The following C6 variants were observed in gnomAD, a reference collection of about 807,000 sequenced individuals.
The protein encoded by C6 is complement C6, also known as complement component C6.
A neutral mutation model predicts 112.9 loss-of-function variants in C6; 101 were observed. The ratio of observed to expected loss-of-function variants is 0.89; its 90% CI spans 0.76 to 1.06. The LOEUF (loss-of-function observed/expected upper bound fraction) is 1.06. C6 is among the 50% of genes least tolerant of loss of function. C6 has a pLI of 0.00. For missense variants in C6, 1,202 were observed against 1,104.6 expected (o/e 1.09, Z -1.25); for synonymous variants, 431 against 384.1 (o/e 1.12, Z -1.43).
intron 1 of C6, among the ~76,000 whole-genome samples, chr5:41,247,758 T>G (rs1236455027): frequency 4.8e-5 from 7 of 145,412 alleles, no homozygotes; most frequent in African/African-American, 1.8e-4. Flanking sequence ...ACCAAGAAAG[T>G]GAAAGATCTC....
At chr5:41,174,595 T>G (rs1325713252) in intron 8 of C6, among the ~76,000 whole-genome samples, 1 of 152,228 alleles carries the variant, frequency 6.6e-6, no homozygotes, top group South Asian at 2.1e-4. Context: ...ATGCCAACTT[T>G]TATTCAAGGT....
intron 7 of C6, among the ~76,000 whole-genome samples, chr5:41,178,442 A>ATT (rs1749032632): frequency 2.5e-5 from 3 of 120,590 alleles, no homozygotes; most frequent in African/African-American, 9.2e-5. Context: ...CTTCAGTAGT[A>ATT]TTTTCTTTTT....
intron 1 of C6, among the ~76,000 whole-genome samples, chr5:41,223,609 A>C (rs1020473887): frequency 3.3e-5 from 5 of 152,200 alleles, no homozygotes; most frequent in Non-Finnish European, 7.3e-5. Flanking sequence ...GGTGAGAAGC[A>C]GTTTATTTTA....
intron 8 of C6, among the ~76,000 whole-genome samples, chr5:41,173,749 A>G (rs1484281285): frequency 6.6e-6 from 1 of 152,154 alleles, no homozygotes; most frequent in Non-Finnish European, 1.5e-5. Flanking sequence ...GAGGCTGGGT[A>G]GATGTGAACT....
At chr5:41,152,019 AG>A (rs1746447403) in intron 15 of C6, among the ~76,000 whole-genome samples, 1 of 152,034 alleles carries the variant, frequency 6.6e-6, no homozygotes, top group African/African-American at 2.4e-5. Flanking sequence ...GAAAAAAAAA[AG>A]AAAGGAAGGA....
At chr5:41,181,267 A>G (rs1749315074) in intron 7 of C6, 92 bp downstream of exon 7, 1 of 1,158,600 alleles carries the variant, frequency 8.6e-7, no homozygotes, top group Non-Finnish European at 1.3e-6. Flanking sequence ...ATACTGGTAC[A>G]ATATCAAAAC....
chr5:41,154,735 A>G (rs1746731638), intron 14 of C6, among the ~76,000 whole-genome samples: 1 of 152,220 alleles, frequency 6.6e-6, no homozygotes, highest in African/African-American at 2.4e-5. Context: ...CATACTTCAC[A>G]GTCCTATGTG....
intron 9 of C6, among the ~76,000 whole-genome samples, 172 bp from the exon 10 acceptor site, chr5:41,162,031 G>T (rs1482155946): frequency 6.6e-6 from 1 of 152,146 alleles, no homozygotes; most frequent in African/African-American, 2.4e-5. Flanking sequence ...CCTGTAGGGA[G>T]TTTAATAATA....
At chr5:41,255,819 T>A (rs956164864) in intron 1 of C6, among the ~76,000 whole-genome samples, 1 of 152,110 alleles carries the variant, frequency 6.6e-6, no homozygotes, top group Non-Finnish European at 1.5e-5. Flanking sequence ...AATAAGGAGA[T>A]TATATTACTG....
chr5:41,168,793 C>T (rs1285608231), intron 9 of C6, among the ~76,000 whole-genome samples: 8 of 152,122 alleles, frequency 5.3e-5, no homozygotes, highest in Non-Finnish European at 8.8e-5. Flanking sequence ...TTTATATTTT[C>T]TATTTTTATC....
At chr5:41,225,533 T>C (rs1481035588) in intron 1 of C6, among the ~76,000 whole-genome samples, 1 of 152,224 alleles carries the variant, frequency 6.6e-6, no homozygotes, top group Non-Finnish European at 1.5e-5. Context: ...AACATACGAA[T>C]GCATGTGTCT....
At chr5:41,156,538 T>C (rs890431139) in intron 13 of C6, among the ~76,000 whole-genome samples, 5 of 152,176 alleles carry the variant, frequency 3.3e-5, no homozygotes, top group African/African-American at 1.2e-4. Context: ...TTTCCTTTAC[T>C]GAGAGGGGCA....
At chr5:41,164,620 T>C (rs1655218139) in intron 9 of C6, among the ~76,000 whole-genome samples, 2 of 152,180 alleles carry the variant, frequency 1.3e-5, no homozygotes, top group South Asian at 4.1e-4. Context: ...TCAGGAATAT[T>C]AGCAGTATTG....
intron 5 of C6, among the ~76,000 whole-genome samples, chr5:41,191,785 T>C (rs969648569): frequency 1.3e-5 from 2 of 148,938 alleles, no homozygotes; most frequent in Non-Finnish European, 1.5e-5. Flanking sequence ...ATTTATCATT[T>C]CTAGGGCCTT....
intron 8 of C6, among the ~76,000 whole-genome samples, chr5:41,174,518 G>T (rs1234066640): frequency 1.3e-5 from 2 of 152,074 alleles, no homozygotes; most frequent in Admixed American, 1.3e-4. Context: ...TTGCATATTA[G>T]GATATTTTTA....
intron 1 of C6, among the ~76,000 whole-genome samples, chr5:41,224,386 A>G (rs986860642): frequency 2.6e-5 from 4 of 152,190 alleles, no homozygotes; most frequent in African/African-American, 9.6e-5. Flanking sequence ...TGAACCCATT[A>G]GCAGCCACTC....
chr5:41,163,513 A>G (rs1379436822), intron 9 of C6, among the ~76,000 whole-genome samples: 1 of 151,988 alleles, frequency 6.6e-6, no homozygotes, highest in African/African-American at 2.4e-5. Flanking sequence ...GGGTTTCACC[A>G]CGTTGGCCAG....
Position 41,158,678 on chromosome 5 carries a change from A to G in C6, c.1964T>C (p.Ile655Thr), listed in dbSNP as rs201352548. The change falls in exon 13 of 18, where the codon ATC becomes ACC. Residue 655 changes from isoleucine to threonine, a missense_variant. Physicochemically the swap from Ile to Thr is moderately conservative, Grantham distance 89. Transcript: ENST00000337836. ...PQPVPPENGF[I>T]RNEKQLYLVG... is the part of the protein sequence containing the mutation. ...AGTGAGGTTTAGGATGCTGACCCGG[A>G]TAAATCCATTTTCTGGAGGAACTGG... The G allele has an allele frequency of 4.3e-5, 69 of 1,589,636 alleles. No homozygotes were observed. The highest frequency in any genetic ancestry group is 6.0e-5 in the Non-Finnish European group (69 of 1,157,816).
intron 1 of C6, among the ~76,000 whole-genome samples, chr5:41,247,944 T>C (rs1741124042): frequency 6.6e-6 from 1 of 152,044 alleles, no homozygotes; most frequent in South Asian, 2.1e-4. Flanking sequence ...TATAAACCTA[T>C]AGTAACCAGA....
Sources: gnomAD v4.1 joint callset for allele counts (sites outside exome capture counted in the v4.1 genomes callset) on GRCh38, gnomAD v4.1.1 for gene constraint, MANE v1.5 for transcripts, NCBI Gene and HGNC (gene_info 2026-07-23, HGNC 2026-07-21) for gene names.